Variants in ATF7IP2 observed in about 807,000 individuals in gnomAD.
ATF7IP2 encodes activating transcription factor 7 interacting protein 2.
Under a neutral mutation model 64.2 loss-of-function variants are expected in ATF7IP2, and 42 were observed. The ratio of observed to expected loss-of-function variants is 0.65; its 90% CI spans 0.51 to 0.85. The LOEUF (loss-of-function observed/expected upper bound fraction) is 0.85. ATF7IP2 is among the 40% of genes least tolerant of loss of function. The pLI, the probability that ATF7IP2 is intolerant of heterozygous loss-of-function variation, is 0.00. For missense variants in ATF7IP2, 933 were observed against 784.2 expected (o/e 1.19, Z -2.27); for synonymous variants, 308 against 272.8 (o/e 1.13, Z -1.27).
At chr16:10,456,961 C>CAAGT (rs1433359899) in intron 8 of ATF7IP2, among the ~76,000 whole-genome samples, 1 of 152,146 alleles carries the variant, frequency 6.6e-6, no homozygotes, top group Non-Finnish European at 1.5e-5. Flanking sequence ...GTTTCAGCTT[C>CAAGT]AAGTTTTAAA....
intron 6 of ATF7IP2, among the ~76,000 whole-genome samples, chr16:10,437,255 G>A (rs2048452320): frequency 6.6e-6 from 1 of 152,134 alleles, no homozygotes. Context: ...TCCTGACCTC[G>A]TGATCTGCCC....
chr16:10,386,786 C>G (rs937001674), intron 1 of ATF7IP2: 1 of 152,182 alleles, frequency 6.6e-6, no homozygotes, highest in African/African-American at 2.4e-5. Flanking sequence ...AAAATTCCAT[C>G]TTATCGCCCT....
chr16:10,398,085 A>C (rs1406725535), intron 1 of ATF7IP2, among the ~76,000 whole-genome samples: 1 of 151,502 alleles, frequency 6.6e-6, no homozygotes, highest in Admixed American at 6.6e-5. Context: ...CGGGTGGATC[A>C]TGAGGTCAGG....
intron 1 of ATF7IP2, among the ~76,000 whole-genome samples, chr16:10,396,452 C>T (rs893429310): frequency 3.9e-5 from 6 of 152,086 alleles, no homozygotes; most frequent in Non-Finnish European, 8.8e-5. Context: ...AAAAGGTCAT[C>T]GTGCAGACCA....
chr16:10,394,837 G>A (rs555885901), intron 1 of ATF7IP2, among the ~76,000 whole-genome samples: 3 of 152,188 alleles, frequency 2.0e-5, no homozygotes, highest in African/African-American at 7.2e-5. Context: ...AAAGGTTTTG[G>A]AGGGTACAAT....
chr16:10,407,515 A>G (rs1433284322), intron 1 of ATF7IP2, among the ~76,000 whole-genome samples: 1 of 152,236 alleles, frequency 6.6e-6, no homozygotes, highest in African/African-American at 2.4e-5. Flanking sequence ...ATACTGATAA[A>G]TTGAGTATAG....
intron 3 of ATF7IP2, among the ~76,000 whole-genome samples, chr16:10,423,238 C>T (rs1200348893): frequency 6.6e-6 from 1 of 151,932 alleles, no homozygotes; most frequent in Non-Finnish European, 1.5e-5. Flanking sequence ...AGTGAGACTC[C>T]ATCAAATAAA....
chr16:10,418,946 C>A (rs1194922069), intron 2 of ATF7IP2, among the ~76,000 whole-genome samples: 1 of 152,234 alleles, frequency 6.6e-6, no homozygotes, highest in Non-Finnish European at 1.5e-5. Context: ...CATAGTGTGG[C>A]CATGGCACGC....
intron 9 of ATF7IP2, among the ~76,000 whole-genome samples, chr16:10,465,976 CAG>C (rs1252911583): frequency 6.6e-6 from 1 of 152,142 alleles, no homozygotes. Flanking sequence ...TGAATTTTCA[CAG>C]AGTGACAGAT....
chr16:10,452,779 G>T (rs2049028004), intron 8 of ATF7IP2, among the ~76,000 whole-genome samples: 1 of 152,192 alleles, frequency 6.6e-6, no homozygotes, highest in Admixed American at 6.5e-5. Flanking sequence ...GAGATGCCCT[G>T]TCCAGAGAGG....
At chr16:10,394,841 G>A (rs956358387) in intron 1 of ATF7IP2, among the ~76,000 whole-genome samples, 4 of 152,030 alleles carry the variant, frequency 2.6e-5, no homozygotes, top group Non-Finnish European at 5.9e-5. Flanking sequence ...GTTTTGGAGG[G>A]TACAATTACA....
chr16:10,473,500 G>T lies in ATF7IP2; in HGVS notation c.1448G>T (p.Gly483Val), dbSNP rs753270979. The change falls in exon 11 of 14, where the codon GGA becomes GTA. Residue 483 changes from glycine (G) to valine (V), a missense_variant. Transcript: ENST00000562102. ...TCAGATACCAGAAAAATTACATCAG[G>T]AAATTCTAGCAATTCTCCCAATGCT... Reference protein sequence around the residue: ...NPTDTRKITSGNSSNSPNAEV... With the variant: ...NPTDTRKITSVNSSNSPNAEV... 3.2e-6 allele frequency: 5 copies of T among 1,569,160 alleles called. No individual in the cohort carries two copies. In the East Asian group the frequency reaches 6.8e-5, roughly 21 times the overall value.
chr16:10,421,144 A>G (rs896137186), intron 3 of ATF7IP2, among the ~76,000 whole-genome samples: 1 of 152,174 alleles, frequency 6.6e-6, no homozygotes, highest in Non-Finnish European at 1.5e-5. Flanking sequence ...TAATTTAACA[A>G]TCTGAGTTCT....
At chr16:10,406,966 C>T (rs906924617) in intron 1 of ATF7IP2, among the ~76,000 whole-genome samples, 20 of 152,070 alleles carry the variant, frequency 1.3e-4, no homozygotes, top group Non-Finnish European at 1.8e-4. Context: ...AAATTACAGA[C>T]CAATATGAGT....
intron 1 of ATF7IP2, among the ~76,000 whole-genome samples, chr16:10,409,664 A>G (rs1350026513): frequency 6.6e-6 from 1 of 152,146 alleles, no homozygotes; most frequent in Non-Finnish European, 1.5e-5. Context: ...TGACCTCATG[A>G]TCCGCCCGCC....
chr16:10,431,578 C>T, intron 5 of ATF7IP2, 123 bp downstream of exon 5: 4 of 636,472 alleles, frequency 6.3e-6, no homozygotes, highest in Non-Finnish European at 1.0e-5. Context: ...ACAATTATTT[C>T]ACAGTATCTT....
chr16:10,394,997 TAATAG>T (rs2047395516), intron 1 of ATF7IP2, among the ~76,000 whole-genome samples: 1 of 151,884 alleles, frequency 6.6e-6, no homozygotes, highest in Non-Finnish European at 1.5e-5. Flanking sequence ...GTGTGGAAAT[TAATAG>T]AATAGACAAA....
At chr16:10,440,984 G>A (rs1348760084) in intron 8 of ATF7IP2, among the ~76,000 whole-genome samples, 1 of 152,114 alleles carries the variant, frequency 6.6e-6, no homozygotes, top group Non-Finnish European at 1.5e-5. Flanking sequence ...TCCCACTTAT[G>A]AGTGAGAACA....
intron 4 of ATF7IP2, among the ~76,000 whole-genome samples, chr16:10,429,602 G>A (rs1441056200): frequency 6.6e-6 from 1 of 152,144 alleles, no homozygotes; most frequent in Non-Finnish European, 1.5e-5. Context: ...ACCTGCCTCG[G>A]CCTCCCAAAG....
Sources: gnomAD v4.1 joint callset for allele counts (sites outside exome capture counted in the v4.1 genomes callset) on GRCh38, gnomAD v4.1.1 for gene constraint, MANE v1.5 for transcripts, NCBI Gene and HGNC (gene_info 2026-07-23, HGNC 2026-07-21) for gene names.